Variants in RPS6KC1 observed in about 807,000 individuals in gnomAD.
The protein encoded by RPS6KC1 is ribosomal protein S6 kinase C1.
Under a neutral mutation model 103.8 loss-of-function variants are expected in RPS6KC1, and 54 were observed. The observed-to-expected ratio is 0.52, with a 90% CI of 0.42 to 0.65. The LOEUF (loss-of-function observed/expected upper bound fraction) is 0.65. RPS6KC1 is among the 30% of genes least tolerant of loss of function. RPS6KC1 has a pLI of 0.00. For missense variants in RPS6KC1, 1,151 were observed against 1,253.8 expected (o/e 0.92, Z 1.24); for synonymous variants, 439 against 438.7 (o/e 1.00, Z -0.01).
At chr1:213,504,297 G>T in the RPS6KC1 span, among the ~76,000 whole-genome samples, 1 of 151,858 alleles carries the variant, frequency 6.6e-6, no homozygotes, top group Non-Finnish European at 1.5e-5. Context: ...GTTTATAATT[G>T]CTTTTTTTGC....
At chr1:213,072,233 G>A (rs1245076655) in intron 2 of RPS6KC1, among the ~76,000 whole-genome samples, 1 of 151,746 alleles carries the variant, frequency 6.6e-6, no homozygotes, top group Non-Finnish European at 1.5e-5. Flanking sequence ...GAAAATACCT[G>A]GCTTGATTCA....
intron 8 of RPS6KC1, among the ~76,000 whole-genome samples, chr1:213,217,288 C>G (rs1269531986): frequency 1.3e-5 from 2 of 151,914 alleles, no homozygotes; most frequent in Admixed American, 6.5e-5. Flanking sequence ...TGGATAAATT[C>G]CTTGACACAT....
the RPS6KC1 span, among the ~76,000 whole-genome samples, chr1:213,655,800 A>G: frequency 6.6e-6 from 1 of 152,180 alleles, no homozygotes; most frequent in South Asian, 2.1e-4. Flanking sequence ...AAAATAATAT[A>G]CAGTAGCTGG....
At chr1:213,179,834 A>G (rs2092147919) in intron 8 of RPS6KC1, among the ~76,000 whole-genome samples, 1 of 152,224 alleles carries the variant, frequency 6.6e-6, no homozygotes, top group African/African-American at 2.4e-5. Context: ...CTATGTTCTC[A>G]GTACCTAGAA....
chr1:213,666,529 G>A, the RPS6KC1 span, among the ~76,000 whole-genome samples: 1 of 152,158 alleles, frequency 6.6e-6, no homozygotes, highest in Non-Finnish European at 1.5e-5. Context: ...AAAGACATTT[G>A]ATACATACTA....
the RPS6KC1 span, among the ~76,000 whole-genome samples, chr1:213,369,413 G>A: frequency 1.3e-5 from 2 of 152,334 alleles, no homozygotes; most frequent in South Asian, 2.1e-4. Context: ...AGCTACCAAA[G>A]ACCCCTGGCC....
the RPS6KC1 span, among the ~76,000 whole-genome samples, chr1:213,463,579 A>G: frequency 6.6e-6 from 1 of 152,214 alleles, no homozygotes; most frequent in South Asian, 2.1e-4. Flanking sequence ...CTGTATCTCA[A>G]TATCTCCCTA....
intron 6 of RPS6KC1, among the ~76,000 whole-genome samples, chr1:213,156,213 A>C (rs779481150): frequency 6.6e-6 from 1 of 152,222 alleles, no homozygotes; most frequent in Non-Finnish European, 1.5e-5. Context: ...ACAGTGTCAG[A>C]AATGAATGCA....
At chr1:213,619,766 T>C in the RPS6KC1 span, among the ~76,000 whole-genome samples, 20,660 of 152,198 alleles carry the variant, frequency 0.14, 1,756 homozygotes, top group South Asian at 0.23. Flanking sequence ...TTTTGCAAAA[T>C]GTCCAGGTGA....
the RPS6KC1 span, among the ~76,000 whole-genome samples, chr1:213,599,407 A>G: frequency 6.7e-6 from 1 of 149,096 alleles, no homozygotes; most frequent in Non-Finnish European, 1.5e-5. Context: ...CAGAAGAATC[A>G]TACCCAGTCA....
At chr1:213,437,472 A>T in the RPS6KC1 span, among the ~76,000 whole-genome samples, 4 of 151,772 alleles carry the variant, frequency 2.6e-5, no homozygotes, top group African/African-American at 9.7e-5. Context: ...TACTCTTGTG[A>T]TGTGCTTGTT....
chr1:213,533,115 A>C, the RPS6KC1 span, among the ~76,000 whole-genome samples: 496 of 152,232 alleles, frequency 3.3e-3, 6 homozygotes, highest in African/African-American at 0.012. Context: ...CTCCCTGAGA[A>C]ATTAGGAAAC....
chr1:213,072,100 A>G (rs2078935515), intron 2 of RPS6KC1, among the ~76,000 whole-genome samples: 1 of 151,252 alleles, frequency 6.6e-6, no homozygotes, highest in Non-Finnish European at 1.5e-5. Flanking sequence ...TGTTTAAAAC[A>G]GATACTTTAA....
At chr1:213,249,230 A>G (rs1368556605) in intron 12 of RPS6KC1, among the ~76,000 whole-genome samples, 2 of 152,178 alleles carry the variant, frequency 1.3e-5, no homozygotes, top group African/African-American at 4.8e-5. Context: ...TTTGCCTTTG[A>G]TGTTTAACAA....
At chr1:213,484,689 C>T in the RPS6KC1 span, among the ~76,000 whole-genome samples, 2 of 152,126 alleles carry the variant, frequency 1.3e-5, no homozygotes, top group Non-Finnish European at 2.9e-5. Context: ...TGTCATGTAC[C>T]TTCTAAGTTA....
the RPS6KC1 span, among the ~76,000 whole-genome samples, chr1:213,397,878 C>T: frequency 6.6e-6 from 1 of 152,102 alleles, no homozygotes; most frequent in Admixed American, 6.5e-5. Flanking sequence ...ATTCCGATCC[C>T]AACAAAGCTT....
intron 7 of RPS6KC1, among the ~76,000 whole-genome samples, chr1:213,168,231 T>C (rs776610508): frequency 5.3e-5 from 8 of 152,258 alleles, no homozygotes; most frequent in African/African-American, 1.4e-4. Flanking sequence ...AGATTGACAG[T>C]AATTTATACT....
At chr1:213,232,602 T>A (rs2094129473) in intron 10 of RPS6KC1, among the ~76,000 whole-genome samples, 1 of 152,240 alleles carries the variant, frequency 6.6e-6, no homozygotes, top group African/African-American at 2.4e-5. Flanking sequence ...AAGGATACAT[T>A]ATGTTAGATG....
the RPS6KC1 span, among the ~76,000 whole-genome samples, chr1:213,625,219 G>GA: frequency 6.6e-6 from 1 of 151,794 alleles, no homozygotes; most frequent in Middle Eastern, 3.4e-3. Context: ...AAAAGAAAAA[G>GA]AAAAAAAAGC....
Sources: gnomAD v4.1 joint callset for allele counts (sites outside exome capture counted in the v4.1 genomes callset) on GRCh38, gnomAD v4.1.1 for gene constraint, MANE v1.5 for transcripts, NCBI Gene and HGNC (gene_info 2026-07-23, HGNC 2026-07-21) for gene names.